The following ARB2A variants were observed in gnomAD, a reference collection of about 807,000 sequenced individuals.
ARB2A encodes the protein cotranscriptional regulator ARB2A.
the ARB2A span, among the ~76,000 whole-genome samples, chr5:93,772,493 T>C: frequency 6.6e-6 from 1 of 152,148 alleles, no homozygotes; most frequent in Admixed American, 6.5e-5. Context: ...AAAAGAAGTT[T>C]AAGCCTGTTG....
At chr5:93,912,449 TTTCA>T in the ARB2A span, among the ~76,000 whole-genome samples, 1 of 151,802 alleles carries the variant, frequency 6.6e-6, no homozygotes, top group Non-Finnish European at 1.5e-5. Flanking sequence ...TGAGTTTTTA[TTTCA>T]TTATGATCTA....
At chr5:93,992,602 G>C in the ARB2A span, among the ~76,000 whole-genome samples, 1 of 151,952 alleles carries the variant, frequency 6.6e-6, no homozygotes, top group Non-Finnish European at 1.5e-5. Flanking sequence ...CCAGCGCTTT[G>C]CCTATTTCTT....
the ARB2A span, among the ~76,000 whole-genome samples, chr5:93,955,166 A>G: frequency 1.3e-5 from 2 of 152,062 alleles, no homozygotes; most frequent in African/African-American, 4.8e-5. Flanking sequence ...GCTTTTTTGT[A>G]TGTGGATGTT....
chr5:93,830,311 G>GTATATATATATATA, the ARB2A span, among the ~76,000 whole-genome samples: 27 of 82,246 alleles, frequency 3.3e-4, no homozygotes, highest in African/African-American at 4.7e-4. Context: ...GTGTGTGTGT[G>GTATATATATATATA]TATATATATA....
the ARB2A span, among the ~76,000 whole-genome samples, chr5:93,634,177 C>A: frequency 6.6e-6 from 1 of 151,842 alleles, no homozygotes; most frequent in Non-Finnish European, 1.5e-5. Flanking sequence ...CTGAGGCGGG[C>A]GGATCACGAG....
At chr5:93,828,914 T>A in the ARB2A span, among the ~76,000 whole-genome samples, 1 of 152,066 alleles carries the variant, frequency 6.6e-6, no homozygotes, top group Admixed American at 6.6e-5. Context: ...GTAGCTGGGG[T>A]TACAGGTGCA....
At chr5:93,710,038 A>G in the ARB2A span, among the ~76,000 whole-genome samples, 1 of 152,220 alleles carries the variant, frequency 6.6e-6, no homozygotes, top group Non-Finnish European at 1.5e-5. Flanking sequence ...TTGGATGTCT[A>G]ATTCAGTGCA....
the ARB2A span, among the ~76,000 whole-genome samples, chr5:93,866,532 CAG>C: frequency 6.6e-6 from 1 of 152,084 alleles, no homozygotes; most frequent in Non-Finnish European, 1.5e-5. Context: ...GAGAAAAAAA[CAG>C]AGGGATGAAC....
the ARB2A span, among the ~76,000 whole-genome samples, chr5:94,048,360 C>CT: frequency 6.6e-6 from 1 of 152,024 alleles, no homozygotes; most frequent in Non-Finnish European, 1.5e-5. Flanking sequence ...GCCAGGTAAG[C>CT]TTTTTTTAAT....
the ARB2A span, among the ~76,000 whole-genome samples, chr5:93,644,297 C>T: frequency 6.6e-6 from 1 of 152,280 alleles, no homozygotes; most frequent in East Asian, 1.9e-4. Flanking sequence ...ATTGCATTTA[C>T]TGCTCGTGTT....
At chr5:94,062,517 G>A in the ARB2A span, among the ~76,000 whole-genome samples, 1 of 152,112 alleles carries the variant, frequency 6.6e-6, no homozygotes, top group Non-Finnish European at 1.5e-5. Context: ...AAGGATAAGT[G>A]AAAGACCCCC....
At chr5:93,715,332 T>TAA in the ARB2A span, among the ~76,000 whole-genome samples, 2 of 152,316 alleles carry the variant, frequency 1.3e-5, no homozygotes, top group East Asian at 3.9e-4. Context: ...AATTTAAAAT[T>TAA]TATTACAAAT....
the ARB2A span, among the ~76,000 whole-genome samples, chr5:93,885,717 A>G: frequency 4.4e-4 from 67 of 151,750 alleles, no homozygotes; most frequent in African/African-American, 1.5e-3. Context: ...TTGTTGCTAT[A>G]ATTCTACTTT....
At chr5:94,046,833 T>A in the ARB2A span, among the ~76,000 whole-genome samples, 1 of 152,156 alleles carries the variant, frequency 6.6e-6, no homozygotes, top group African/African-American at 2.4e-5. Context: ...ATGCATTAAG[T>A]CCCACTATCA....
chr5:93,707,005 A>G, the ARB2A span, among the ~76,000 whole-genome samples: 1 of 152,206 alleles, frequency 6.6e-6, no homozygotes, highest in Non-Finnish European at 1.5e-5. Context: ...CTCATAATAT[A>G]TCCATGTGTG....
the ARB2A span, among the ~76,000 whole-genome samples, chr5:93,681,820 A>G: frequency 6.6e-6 from 1 of 152,184 alleles, no homozygotes; most frequent in African/African-American, 2.4e-5. Context: ...TAAAAATAAG[A>G]AGAAAAGAGA....
At chr5:93,945,225 C>T in the ARB2A span, among the ~76,000 whole-genome samples, 13,952 of 152,084 alleles carry the variant, frequency 0.092, 811 homozygotes, top group Middle Eastern at 0.16. Context: ...GGAGGATCAC[C>T]TGAGGTCAGG....
At chr5:93,727,921 A>G in the ARB2A span, among the ~76,000 whole-genome samples, 5 of 152,032 alleles carry the variant, frequency 3.3e-5, no homozygotes, top group South Asian at 4.2e-4. Context: ...GACTTGGGGG[A>G]AAAATGAATC....
At chr5:94,087,151 G>T in the ARB2A span, among the ~76,000 whole-genome samples, 1 of 151,944 alleles carries the variant, frequency 6.6e-6, no homozygotes, top group East Asian at 1.9e-4. Context: ...AATAAACTTT[G>T]AAAATAGAAA....
Sources: gnomAD v4.1 joint callset for allele counts (sites outside exome capture counted in the v4.1 genomes callset) on GRCh38, gnomAD v4.1.1 for gene constraint, MANE v1.5 for transcripts, NCBI Gene and HGNC (gene_info 2026-07-23, HGNC 2026-07-21) for gene names.